DMBT1: variants seen among roughly 807,000 people sequenced by gnomAD.
DMBT1 encodes scavenger receptor cysteine-rich domain-containing protein DMBT1.
DMBT1 carries 198 observed loss-of-function variants against 252.9 expected under a neutral mutation model. The ratio of observed to expected loss-of-function variants is 0.78; its 90% CI spans 0.70 to 0.88. The LOEUF is 0.88. DMBT1 is among the 40% of genes least tolerant of loss of function. The pLI is 0.00. For missense variants in DMBT1, 2,432 were observed against 2,404.7 expected, an observed-to-expected ratio of 1.01 and a Z score of -0.24; for synonymous variants, 990 against 942.7, an observed-to-expected ratio of 1.05 and a Z score of -0.92.
chr10:122,571,011 G>A (rs1185798631), intron 4 of DMBT1, 74 bp downstream of exon 4: 64 of 1,529,680 alleles, frequency 4.2e-5, no homozygotes, highest in Middle Eastern at 1.7e-4. Flanking sequence ...TGATTCAGAC[G>A]AGGTGCAGAG....
intron 40 of DMBT1, among the ~76,000 whole-genome samples, chr10:122,617,765 C>G (rs762143549): frequency 2.0e-5 from 3 of 151,600 alleles, no homozygotes; most frequent in Non-Finnish European, 2.9e-5. Flanking sequence ...GGGAGTGGGG[C>G]ATTCATTCCT....
At chr10:122,587,494 A>G (rs2097801136) in intron 16 of DMBT1, among the ~76,000 whole-genome samples, 1 of 148,466 alleles carries the variant, frequency 6.7e-6, no homozygotes, top group Non-Finnish European at 1.5e-5. Flanking sequence ...CTTGTTATGA[A>G]TGCCTGTGGG....
rs775458403 is a variant in DMBT1, at chr10:122,621,145, A to C, written c.5373A>C (p.Gly1791=). ...AGGTCCTGTATCGAGGCTCCTGGGGAACCGTGTGTGATGACAGCTGGGACA... is the reference window on the plus strand; with the variant it reads ...AGGTCCTGTATCGAGGCTCCTGGGGCACCGTGTGTGATGACAGCTGGGACA... ...RVEVLYRGSW[G]TVCDDSWDTN... Residue 1791 remains glycine, a synonymous_variant, in exon 44 of 56, where the codon GGA becomes GGC. Coordinates refer to ENST00000338354, the MANE Select transcript of DMBT1 (RefSeq NM_001377530.1). 4.3e-6 allele frequency: 7 copies of C among 1,613,710 alleles called. No individual in the cohort carries two copies. In the South Asian group the frequency reaches 6.6e-5, roughly 15 times the overall value.
chr10:122,601,705 T>A, intron 28 of DMBT1, 92 bp from the exon 29 acceptor site: 1 of 857,730 alleles, frequency 1.2e-6, no homozygotes, highest in Non-Finnish European at 1.7e-6. Flanking sequence ...TATTGAAACT[T>A]GACTACTTTG....
intron 25 of DMBT1, 81 bp downstream of exon 25, chr10:122,598,093 G>A: frequency 1.3e-6 from 2 of 1,595,534 alleles, no homozygotes; most frequent in African/African-American, 1.3e-5. Flanking sequence ...TAGGATGAGG[G>A]TCAAGGTGGG....
intron 26 of DMBT1, among the ~76,000 whole-genome samples, chr10:122,599,397 G>A (rs1310771742): frequency 6.6e-6 from 1 of 152,180 alleles, no homozygotes; most frequent in Non-Finnish European, 1.5e-5. Flanking sequence ...CTGCTGAGTA[G>A]CACGGTGTGA....
chr10:122,641,242 G>A (rs917854949), intron 55 of DMBT1, among the ~76,000 whole-genome samples: 3 of 152,106 alleles, frequency 2.0e-5, no homozygotes, highest in African/African-American at 7.2e-5. Flanking sequence ...TGGGTGAAGT[G>A]GGGTTTGACT....
At position 122,600,062 on chromosome 10, in the gene DMBT1, A is replaced by G. The variant is rs1390011659; in HGVS notation, c.3281-2A>G. The G allele has an allele frequency of 1.2e-6, 2 of 1,607,486 alleles. 1 individual carries two copies. Among genetic ancestry groups the G allele is most frequent in the Admixed American group, 3.4e-5 (2 of 58,732 alleles). ...TCTGACCTTCTCTTCTCTTTCTCAC[A>G]GCTTCCCAGTCCCGGCCAACACCTA... On this transcript the variant is annotated splice_acceptor_variant, in intron 26 of 55. Coordinates refer to ENST00000338354, the MANE Select transcript of DMBT1 (RefSeq NM_001377530.1). LOFTEE classifies it high-confidence loss of function.
chr10:122,641,102 C>T (rs1844451959), intron 55 of DMBT1, among the ~76,000 whole-genome samples: 1 of 152,164 alleles, frequency 6.6e-6, no homozygotes, highest in Admixed American at 6.5e-5. Context: ...GGAATAGAAG[C>T]TCTGGGAGTC....
At chr10:122,637,881 A>T (rs986534516) in intron 54 of DMBT1, among the ~76,000 whole-genome samples, 1 of 152,104 alleles carries the variant, frequency 6.6e-6, no homozygotes, top group African/African-American at 2.4e-5. Context: ...ACCATCTAAG[A>T]TGGCCCCCTG....
intron 44 of DMBT1, among the ~76,000 whole-genome samples, chr10:122,623,363 G>T (rs995129318): frequency 6.6e-6 from 1 of 152,196 alleles, no homozygotes; most frequent in Non-Finnish European, 1.5e-5. Flanking sequence ...TCTGCTATGA[G>T]AATTAGTGTA....
chr10:122,589,403 G>C, intron 17 of DMBT1, 136 bp downstream of exon 17: 1 of 1,400,440 alleles, frequency 7.1e-7, no homozygotes, highest in Non-Finnish European at 9.6e-7. Context: ...CTCTCTTCTA[G>C]GAAACTGCAT....
At chr10:122,620,416 G>T (rs1286128862) in intron 43 of DMBT1, 125 bp downstream of exon 43, 2 of 1,184,676 alleles carry the variant, frequency 1.7e-6, no homozygotes, top group East Asian at 2.4e-5. Context: ...GAGTTGCCTG[G>T]GGAGGTAGAC....
chr10:122,598,490 T>C (rs543096534), intron 25 of DMBT1, among the ~76,000 whole-genome samples: 45 of 152,306 alleles, frequency 3.0e-4, no homozygotes, highest in Non-Finnish European at 3.5e-4. Flanking sequence ...TGTGTAGCTC[T>C]GTCCTGTGTG....
chr10:122,636,586 A>G lies in DMBT1; in HGVS notation c.6757+387A>G, dbSNP rs141742442. Among the ~76,000 whole-genome samples, 636 of 152,330 alleles carry G rather than the reference A, an allele frequency of 4.2e-3. 4 individuals are homozygous for G. The highest frequency in any genetic ancestry group is 0.015 in the African/African-American group (607 of 41,580). On this transcript the variant is annotated intron_variant, in intron 53 of 55. Coordinates refer to ENST00000338354, the MANE Select transcript of DMBT1 (RefSeq NM_001377530.1). ...CTGAGACCTAACACATTTGGTTTCT[A>G]TCTGAAGATGGACTGAGCTGGGTGG...
At chr10:122,623,521 G>A (rs151186860) in intron 44 of DMBT1, among the ~76,000 whole-genome samples, 6 of 152,290 alleles carry the variant, frequency 3.9e-5, no homozygotes, top group Non-Finnish European at 8.8e-5. Context: ...ATTCCCCCAA[G>A]CAATGCCTGA....
intron 25 of DMBT1, among the ~76,000 whole-genome samples, chr10:122,598,270 G>A (rs571837001): frequency 2.6e-4 from 40 of 152,238 alleles, no homozygotes; most frequent in African/African-American, 8.4e-4. Flanking sequence ...CTGAGGAAAA[G>A]CCCTGGAGGG....
rs759812452 is a variant in DMBT1 at position 122,589,143 on chromosome 10, A to C, written c.1983A>C (p.Ser661=). ...APGNARFGQG[S]GPIVLDDVRC... is the part of the protein sequence containing the mutation. ...GAAATGCCCGGTTTGGTCAGGGCTC[A>C]GGACCCATTGTCCTGGATGATGTGC... Residue 661 remains serine (S), a synonymous_variant, in exon 17 of 56, where the codon TCA becomes TCC. Coordinates refer to ENST00000338354, the MANE Select transcript of DMBT1 (RefSeq NM_001377530.1). The C allele has an allele frequency of 3.8e-6, 6 of 1,588,534 alleles. 2 individuals carry two copies. The highest frequency in any genetic ancestry group is 5.1e-6 in the Non-Finnish European group (6 of 1,165,784).
intron 10 of DMBT1, 77 bp downstream of exon 10, chr10:122,579,978 C>A (rs373481699): frequency 6.2e-7 from 1 of 1,603,648 alleles, no homozygotes; most frequent in Non-Finnish European, 8.5e-7. Context: ...ACATTCTGAT[C>A]TCCTCACTCA....
Sources: allele counts gnomAD v4.1 joint callset (sites outside exome capture counted in the v4.1 genomes callset), GRCh38; gene constraint gnomAD v4.1.1; transcripts MANE v1.5; gene names NCBI Gene and HGNC (gene_info 2026-07-23, HGNC 2026-07-21).